BABAM2: variants seen among roughly 807,000 people sequenced by gnomAD.
BABAM2 encodes the protein BRISC and BRCA1 A complex member 2.
A neutral mutation model predicts 54.7 loss-of-function variants in BABAM2; 31 were observed. That is an observed-to-expected ratio of 0.57 (90% confidence interval 0.43 to 0.77). The LOEUF is 0.77. Ranked by LOEUF, BABAM2 falls within the 30% of genes least tolerant of loss-of-function variation. BABAM2 has a pLI of 0.00. For missense variants in BABAM2, 364 were observed against 455.8 expected (o/e 0.80, Z 1.83); for synonymous variants, 167 against 162.9 (o/e 1.03, Z -0.19).
At chr2:28,211,527 A>G (rs11691667) in intron 7 of BABAM2, among the ~76,000 whole-genome samples, 32,977 of 151,194 alleles carry the variant, frequency 0.22, 4,304 homozygotes, top group African/African-American at 0.37. Context: ...AGCTGGGATT[A>G]CAGGCATCTG....
At chr2:28,127,294 G>A (rs1669637048) in intron 6 of BABAM2, among the ~76,000 whole-genome samples, 2 of 152,196 alleles carry the variant, frequency 1.3e-5, no homozygotes, top group South Asian at 2.1e-4. Flanking sequence ...GTTTCGAGAG[G>A]CAAGTGGTCA....
chr2:27,987,106 T>A (rs1288596108), intron 3 of BABAM2, among the ~76,000 whole-genome samples: 1 of 152,218 alleles, frequency 6.6e-6, no homozygotes, highest in African/African-American at 2.4e-5. Flanking sequence ...CATCTCTTTT[T>A]ATCGTCACAA....
At chr2:28,310,298 C>A in intron 11 of BABAM2, 2 of 736,432 alleles carry the variant, frequency 2.7e-6, no homozygotes, top group Non-Finnish European at 4.4e-6. Context: ...CCTGTGCAGA[C>A]CAGGCTGCAC....
chr2:28,014,759 C>T (rs370997018), intron 4 of BABAM2, among the ~76,000 whole-genome samples: 2 of 150,928 alleles, frequency 1.3e-5, no homozygotes, highest in African/African-American at 4.9e-5. Flanking sequence ...CTTAAAACAG[C>T]GAGAGTGAGG....
At chr2:27,991,858 T>G (rs1672801981) in intron 4 of BABAM2, among the ~76,000 whole-genome samples, 1 of 152,228 alleles carries the variant, frequency 6.6e-6, no homozygotes, top group Non-Finnish European at 1.5e-5. Flanking sequence ...TTTTTATTTC[T>G]CTTGGATATA....
intron 3 of BABAM2, among the ~76,000 whole-genome samples, chr2:27,950,881 T>C (rs1234346591): frequency 6.6e-6 from 1 of 152,202 alleles, no homozygotes; most frequent in Admixed American, 6.5e-5. Context: ...TGCTGATTTG[T>C]GTCTTTAAAG....
chr2:27,936,428 CCCAG>C (rs1668489845), intron 3 of BABAM2, among the ~76,000 whole-genome samples: 1 of 152,140 alleles, frequency 6.6e-6, no homozygotes, highest in South Asian at 2.1e-4. Flanking sequence ...TACCATTTGA[CCCAG>C]CCATCCCATT....
intron 7 of BABAM2, among the ~76,000 whole-genome samples, chr2:28,161,247 A>G (rs1292637144): frequency 6.6e-6 from 1 of 152,156 alleles, no homozygotes; most frequent in Non-Finnish European, 1.5e-5. Flanking sequence ...AAGTTGGCAC[A>G]TTCTTGTTTT....
At chr2:28,153,982 A>G (rs138791029) in intron 7 of BABAM2, among the ~76,000 whole-genome samples, 8 of 152,330 alleles carry the variant, frequency 5.3e-5, no homozygotes, top group Admixed American at 2.0e-4. Flanking sequence ...TTGCACAGAA[A>G]GTTGGACTCC....
chr2:28,086,727 C>T (rs1324063380), intron 6 of BABAM2, among the ~76,000 whole-genome samples: 1 of 152,122 alleles, frequency 6.6e-6, no homozygotes, highest in East Asian at 1.9e-4. Context: ...CTTTTCCTTC[C>T]CTTCAAGTTA....
chr2:27,904,669 A>G (rs936526088), intron 2 of BABAM2, among the ~76,000 whole-genome samples: 2 of 152,238 alleles, frequency 1.3e-5, no homozygotes, highest in African/African-American at 2.4e-5. Context: ...TTTTAAAGCT[A>G]TAATTAATAT....
At chr2:28,105,365 G>A (rs999345574) in intron 6 of BABAM2, among the ~76,000 whole-genome samples, 31 of 152,276 alleles carry the variant, frequency 2.0e-4, no homozygotes, top group Non-Finnish European at 2.5e-4. Context: ...GATACTGACT[G>A]TGGTATGAAG....
At chr2:28,172,221 A>G (rs143656904) in intron 7 of BABAM2, among the ~76,000 whole-genome samples, 2,009 of 152,212 alleles carry the variant, frequency 0.013, 29 homozygotes, top group South Asian at 0.05. Context: ...GACTTCGAAG[A>G]ACATCATCTG....
chr2:28,102,991 G>A (rs1435594983), intron 6 of BABAM2, among the ~76,000 whole-genome samples: 2 of 151,862 alleles, frequency 1.3e-5, no homozygotes, highest in Non-Finnish European at 2.9e-5. Flanking sequence ...ATCTATAAAC[G>A]GCCTATAGTT....
intron 7 of BABAM2, among the ~76,000 whole-genome samples, chr2:28,141,852 G>A (rs1001773567): frequency 4.6e-5 from 7 of 152,140 alleles, no homozygotes; most frequent in South Asian, 2.1e-4. Context: ...AATGTGGATG[G>A]GGGGTATGTC....
chr2:28,324,108 A>G (rs151114764), intron 11 of BABAM2, among the ~76,000 whole-genome samples: 23 of 152,314 alleles, frequency 1.5e-4, no homozygotes, highest in African/African-American at 5.3e-4. Flanking sequence ...GGTTTTGTAG[A>G]ACAAATGTAG....
At chr2:28,249,861 G>A (rs185744263) in intron 10 of BABAM2, among the ~76,000 whole-genome samples, 49 of 152,172 alleles carry the variant, frequency 3.2e-4, no homozygotes, top group African/African-American at 1.0e-3. Flanking sequence ...AAAACACCTC[G>A]GGCTCAAGGG....
intron 7 of BABAM2, among the ~76,000 whole-genome samples, chr2:28,140,195 C>T (rs1670920365): frequency 2.0e-5 from 3 of 152,076 alleles, no homozygotes; most frequent in Non-Finnish European, 4.4e-5. Context: ...TCTAATTCCT[C>T]CTATCCTGTT....
intron 6 of BABAM2, among the ~76,000 whole-genome samples, chr2:28,088,261 A>G (rs1161209183): frequency 6.6e-6 from 1 of 152,194 alleles, no homozygotes; most frequent in African/African-American, 2.4e-5. Context: ...ATTAATCACT[A>G]GTACTTACAA....
Sources: allele counts gnomAD v4.1 joint callset (sites outside exome capture counted in the v4.1 genomes callset), GRCh38; gene constraint gnomAD v4.1.1; transcripts MANE v1.5; gene names NCBI Gene and HGNC (gene_info 2026-07-23, HGNC 2026-07-21).